The following MUC3A variants were observed in gnomAD, a reference collection of about 807,000 sequenced individuals.
MUC3A encodes mucin-3A.
In MUC3A, 109 loss-of-function variants were observed where a neutral mutation model predicts 109.0. The ratio of observed to expected loss-of-function variants is 1.00; its 90% CI spans 0.86 to 1.17. MUC3A has a LOEUF of 1.17. MUC3A is among the 50% of genes most tolerant of loss of function. The pLI is 0.00. For synonymous variants in MUC3A, 1,398 were observed against 981.4 expected (o/e 1.42, Z -7.93); for missense variants, 3,537 against 2,469.4 (o/e 1.43, Z -9.16).
intron 6 of MUC3A, 63 bp from the exon 7 acceptor site, chr7:100,965,214 GCGCTA>G: frequency 6.4e-7 from 1 of 1,571,318 alleles, no homozygotes; most frequent in Non-Finnish European, 8.6e-7. Context: ...CTGCCTCCTG[GCGCTA>G]ACCCCTTGAC....
At chr7:100,963,004 C>A in intron 3 of MUC3A, 147 bp from the exon 4 acceptor site, 1 of 844,272 alleles carries the variant, frequency 1.2e-6, no homozygotes, top group South Asian at 1.7e-5. Context: ...TCCTGGAATT[C>A]CTACATCTGT....
intron 7 of MUC3A, 175 bp from the exon 8 acceptor site, chr7:100,965,529 G>T: frequency 1.4e-6 from 2 of 1,417,476 alleles, no homozygotes; most frequent in South Asian, 1.4e-5. Flanking sequence ...GGGCCACGAG[G>T]AGAGGGTGAG....
In MUC3A at chr7:100,952,144, A is replaced by G. The variant is rs758900990; in HGVS notation, c.365A>G (p.Tyr122Cys). The G allele has an allele frequency of 1.6e-5, 25 of 1,598,436 alleles. No individual in the cohort carries two copies. The Admixed American group carries it at 3.2e-4, about 20-fold the overall frequency. ...ACCACTCCACCCACCGTGTTGGTCT[A>G]TTCAGCCACCACTGAGTGCGTGTAT... The part of the protein sequence containing the change: ...VETTPPTVLV[Y>C]SATTECVYPT... Residue 122 changes from tyrosine (Y) to cysteine (C), a missense_variant, in exon 2 of 12, where the codon TAT (tyrosine) becomes TGT (cysteine). By Grantham distance (194) the Tyr-to-Cys change is radical. Coordinates refer to ENST00000379458, the MANE Select transcript of MUC3A (RefSeq NM_005960.2).
At chr7:100,963,085 GTGGTGT>G in intron 3 of MUC3A, 60 bp from the exon 4 acceptor site, 1 of 1,543,934 alleles carries the variant, frequency 6.5e-7, no homozygotes. Flanking sequence ...GGTTGGGGTG[GTGGTGT>G]TGGTGGCTTC....
intron 1 of MUC3A, among the ~76,000 whole-genome samples, chr7:100,950,997 C>G (rs1360339037): frequency 1.0e-5 from 1 of 98,248 alleles, no homozygotes; most frequent in Non-Finnish European, 2.2e-5. Flanking sequence ...GTTCTCTGGG[C>G]AGTTTTTTGT....
At position 100,959,099 on chromosome 7, in the gene MUC3A, T is replaced by G; in HGVS notation, c.7320T>G (p.Thr2440=). 6.3e-7 allele frequency: 1 copy of G among 1,591,630 alleles called. No individual in the cohort carries two copies. The highest frequency in any genetic ancestry group is 8.5e-7 in the Non-Finnish European group (1 of 1,176,776). Residue 2440 remains threonine (T), a synonymous_variant, in exon 2 of 12, where the codon ACT becomes ACG. Transcript: ENST00000379458. The part of the protein sequence containing the change: ...ITTTETTSES[T]PSLSSSTIYS... ...CCACTGAGACCACCTCAGAGAGTAC[T>G]CCCAGCCTCAGTTCTTCAACCATCT...
At position 100,959,860 on chromosome 7, in the gene MUC3A, C is replaced by T; in HGVS notation, c.8081C>T (p.Pro2694Leu). The T allele has an allele frequency of 6.4e-7, 1 of 1,559,530 alleles. No homozygotes were observed. The highest frequency in any genetic ancestry group is 8.6e-7 in the Non-Finnish European group (1 of 1,160,654). ...STPTIIMSSS[P>L]SSASITPVFS... Reference sequence around the variant, plus strand: ...CCCACTATTATCATGTCCTCTTCTCCATCTTCTGCCAGCATAACTCCAGTG... The same window carrying T: ...CCCACTATTATCATGTCCTCTTCTCTATCTTCTGCCAGCATAACTCCAGTG... The change falls in exon 2 of 12, where the codon CCA (proline) becomes CTA (leucine). Residue 2694 changes from proline to leucine, a missense_variant. Pro to Leu is a moderately conservative substitution (Grantham distance 98). Transcript: ENST00000379458.
At chr7:100,964,637 C>T (rs1792459436) in intron 5 of MUC3A, 58 bp from the exon 6 acceptor site, 4 of 1,549,864 alleles carry the variant, frequency 2.6e-6, no homozygotes, top group South Asian at 1.2e-5. Context: ...TGGAGGTGCC[C>T]CTCCAAGGAC....
Position 100,957,791 on chromosome 7 carries a change from C to G in MUC3A, c.6012C>G (p.His2004Gln), listed in dbSNP as rs1792141600. 3 of 1,151,990 alleles carry G rather than the reference C, an allele frequency of 2.6e-6. No individual in the cohort carries two copies. Among genetic ancestry groups the G allele is most frequent in the Admixed American group, 1.7e-5 (1 of 57,446 alleles). The allele number at this position is 1,151,990 out of a possible 1,614,324, so 71.4% of individuals were successfully genotyped here. ...SLITTTTTTS[H>Q]STPSFTSSIT... ...TCACCACAACCACCACCACCTCACACAGTACTCCCAGCTTCACTTCTTCCA... is the reference window on the plus strand; with the variant it reads ...TCACCACAACCACCACCACCTCACAGAGTACTCCCAGCTTCACTTCTTCCA... Residue 2004 changes from histidine (H) to glutamine (Q), a missense_variant, in exon 2 of 12, where the codon CAC becomes CAG. Coordinates refer to ENST00000379458, the MANE Select transcript of MUC3A (RefSeq NM_005960.2).
At chr7:100,963,915 G>T in intron 5 of MUC3A, 163 bp downstream of exon 5, 2 of 1,015,276 alleles carry the variant, frequency 2.0e-6, no homozygotes, top group Admixed American at 2.1e-5. Flanking sequence ...CGTTTTCTGG[G>T]GCCATTTATC....
chr7:100,952,008 ACACT>A lies in MUC3A; in HGVS notation c.234_237del (p.Thr79ProfsTer56). On this transcript the variant is annotated frameshift_variant, in exon 2 of 12. Coordinates refer to ENST00000379458, the MANE Select transcript of MUC3A (RefSeq NM_005960.2). LOFTEE classifies it high-confidence loss of function. ...TGGCCACAGGGAAAATGCACCTATG[ACACT>A]CACTACCTCCCCCCATGACACACTC... 6.3e-7 allele frequency: 1 copy of A among 1,598,678 alleles called. No individual in the cohort carries two copies. Among genetic ancestry groups the A allele is most frequent in the Non-Finnish European group, 8.5e-7 (1 of 1,179,818 alleles).
Position 100,957,029 on chromosome 7 carries a change from A to G in MUC3A, c.5250A>G (p.Thr1750=), listed in dbSNP as rs1049439600. 102 of 457,566 alleles carry G rather than the reference A, an allele frequency of 2.2e-4. No individual in the cohort carries two copies. Among genetic ancestry groups the G allele is most frequent in the Middle Eastern group, 1.2e-3 (4 of 3,336 alleles). The allele number at this position is 457,566 out of a possible 1,614,324, so 28.3% of individuals were successfully genotyped here. ...TGACTCCTACCTCTGACATTTCCAC[A>G]GGATCTTTCAAAACAGCCGTGAGTT... is the stretch of plus-strand genomic sequence containing the variant. The part of the protein sequence containing the change: ...TTLTPTSDIS[T]GSFKTAVSST... Residue 1750 remains threonine, a synonymous_variant, in exon 2 of 12, where the codon ACA becomes ACG. Coordinates refer to ENST00000379458, the MANE Select transcript of MUC3A (RefSeq NM_005960.2).
Position 100,954,619 on chromosome 7 carries a change from C to T in MUC3A, c.2840C>T (p.Pro947Leu), listed in dbSNP as rs1210930305. The change falls in exon 2 of 12, where the codon CCC becomes CTC. Residue 947 changes from proline to leucine, a missense_variant. Transcript: ENST00000379458. ...ACAACAGTTGAATCCACCCCATCAC[C>T]CACTACCACCACCTCATTTACCACA... ...LHTTVESTPS[P>L]TTTTSFTTST... 1 of 363,724 alleles carries T rather than the reference C, an allele frequency of 2.7e-6. No homozygotes were observed. Among genetic ancestry groups the T allele is most frequent in the Non-Finnish European group, 4.7e-6 (1 of 210,532 alleles). The allele number at this position is 363,724 out of a possible 1,614,324, so 22.5% of individuals were successfully genotyped here.
rs773132869 is a variant in MUC3A at position 100,959,836 on chromosome 7, C to A, written c.8057C>A (p.Pro2686His). ...SFSTIIWSST[P>H]TIIMSSSPSS... ...AGTACCATCATCTGGTCCTCAACACCCACTATTATCATGTCCTCTTCTCCA... is the reference window on the plus strand; with the variant it reads ...AGTACCATCATCTGGTCCTCAACACACACTATTATCATGTCCTCTTCTCCA... The change falls in exon 2 of 12, where the codon CCC becomes CAC. Residue 2686 changes from proline (P) to histidine (H), a missense_variant. By Grantham distance (77) the Pro-to-His change is moderately conservative. Transcript: ENST00000379458. 20 of 1,576,410 alleles carry A rather than the reference C, an allele frequency of 1.3e-5. No individual in the cohort carries two copies. In the East Asian group the frequency reaches 4.5e-4, roughly 35 times the overall value.
rs1177335359 is a variant in MUC3A, at chr7:100,965,794, C to G, written c.9539C>G (p.Thr3180Arg). 5.6e-6 allele frequency: 9 copies of G among 1,597,480 alleles called. No homozygotes were observed. The highest frequency in any genetic ancestry group is 1.3e-5 in the African/African-American group (1 of 74,924). The change falls in exon 8 of 12, where the codon ACG becomes AGG. Residue 3180 changes from threonine (T) to arginine (R), a missense_variant. Transcript: ENST00000379458. ...CGGCTCCGCTGTGTCACCAAATGCACGTCGGGGGTGGACAACGCCATCGAC... is the reference window on the plus strand; with the variant it reads ...CGGCTCCGCTGTGTCACCAAATGCAGGTCGGGGGTGGACAACGCCATCGAC... ...ATRLRCVTKC[T>R]SGVDNAIDCH...
chr7:100,966,582 C>A, intron 9 of MUC3A, 23 bp downstream of exon 9: 2 of 1,540,586 alleles, frequency 1.3e-6, no homozygotes, highest in South Asian at 1.1e-5. Flanking sequence ...GGGGCGGGGC[C>A]GGGGGGCGAG....
At chr7:100,966,128 G>T (rs1015329294) in intron 8 of MUC3A, 1 of 535,914 alleles carries the variant, frequency 1.9e-6, no homozygotes, top group East Asian at 3.5e-5. Flanking sequence ...CCGCCTCCTC[G>T]TTCTAGGGTT....
rs1584803291 is a variant in MUC3A, at chr7:100,958,301, G to GCTACACTACTTCTTTGATAACCACCTC, written c.6522_6523insCTACACTACTTCTTTGATAACCACCTC (p.Arg2174_Trp2175insLeuHisTyrPhePheAspAsnHisLeu). On this transcript the variant is annotated inframe_insertion, in exon 2 of 12. Coordinates refer to ENST00000379458, the MANE Select transcript of MUC3A (RefSeq NM_005960.2). ...CCACCACGGAGACCACCTCACACAG[G>GCTACACTACTTCTTTGATAACCACCTC]TGGGGGACCACCGAGACCACATCCT... 1 of 13,276 alleles carries GCTACACTACTTCTTTGATAACCACCTC rather than the reference G, an allele frequency of 7.5e-5. No individual in the cohort carries two copies. Among genetic ancestry groups the GCTACACTACTTCTTTGATAACCACCTC allele is most frequent in the African/African-American group, 7.6e-4 (1 of 1,316 alleles). 0.8% of individuals were successfully genotyped at this position (13,276 alleles called of 1,614,324 possible).
chr7:100,963,466 T>C (rs1409793237), intron 4 of MUC3A, among the ~76,000 whole-genome samples, 200 bp downstream of exon 4: 1 of 152,312 alleles, frequency 6.6e-6, no homozygotes, highest in African/African-American at 2.4e-5. Flanking sequence ...TTTGTATTTT[T>C]AGTAGAGACG....
Sources: gnomAD v4.1 joint callset for allele counts (sites outside exome capture counted in the v4.1 genomes callset) on GRCh38, gnomAD v4.1.1 for gene constraint, MANE v1.5 for transcripts, NCBI Gene and HGNC (gene_info 2026-07-23, HGNC 2026-07-21) for gene names.